Variants in VRK2 observed in about 807,000 individuals in gnomAD.
The protein encoded by VRK2 is VRK serine/threonine kinase 2, also known as serine/threonine-protein kinase VRK2.
In VRK2, 60 loss-of-function variants were observed where a neutral mutation model predicts 57.6. The observed-to-expected ratio is 1.04, with a 90% CI of 0.85 to 1.29. The LOEUF (loss-of-function observed/expected upper bound fraction) is 1.29, where lower values mean the gene tolerates loss of function less well. Among genes scored for constraint, VRK2 ranks in the 50% most tolerant of loss-of-function variants. VRK2 has a pLI of 0.00. For synonymous variants in VRK2, 231 were observed against 199.2 expected (o/e 1.16, Z -1.35); for missense variants, 705 against 588.1 (o/e 1.20, Z -2.06).
At chr2:57,942,586 G>A (rs971286683) in intron 1 of VRK2, among the ~76,000 whole-genome samples, 2 of 152,096 alleles carry the variant, frequency 1.3e-5, no homozygotes, top group Admixed American at 6.6e-5. Context: ...ATGTGGGCAC[G>A]TGTGTGCCTG....
Position 57,911,052 on chromosome 2 carries a change from T to A in VRK2, c.-439+3213T>A, listed in dbSNP as rs1180981528. On this transcript the variant is annotated intron_variant, in intron 1 of 15. Transcript: ENST00000417641. Reference sequence around the variant, plus strand: ...GTTTTTTGGGTCTTTTTTTTTTTTTTAAACATTTCTCAACGGAGCAATCAT... The same window carrying A: ...GTTTTTTGGGTCTTTTTTTTTTTTTAAAACATTTCTCAACGGAGCAATCAT... 6.3e-5 allele frequency among the ~76,000 whole-genome samples: 9 copies of A among 142,464 alleles called. No individual in the cohort carries two copies. The East Asian group carries it at 1.6e-3, about 25-fold the overall frequency. 93.5% of individuals were successfully genotyped at this position (142,464 alleles called of 152,430 possible).
chr2:57,939,296 G>T (rs983139808), intron 1 of VRK2, among the ~76,000 whole-genome samples: 11 of 152,122 alleles, frequency 7.2e-5, no homozygotes, highest in African/African-American at 2.7e-4. Context: ...CTTTTCCAAA[G>T]TTGGTGTAAT....
chr2:57,992,737 C>G (rs1482917662), intron 1 of VRK2, among the ~76,000 whole-genome samples: 1 of 152,064 alleles, frequency 6.6e-6, no homozygotes, highest in African/African-American at 2.4e-5. Flanking sequence ...GGGGTTTCAC[C>G]TTGTTAGCCA....
intron 1 of VRK2, among the ~76,000 whole-genome samples, chr2:57,978,957 C>G (rs1419094648): frequency 6.6e-6 from 1 of 150,744 alleles, no homozygotes; most frequent in East Asian, 1.9e-4. Context: ...CCAGTTTCAT[C>G]TATGTCCCTG....
At chr2:57,943,392 A>T (rs993962507) in intron 1 of VRK2, among the ~76,000 whole-genome samples, 1 of 152,198 alleles carries the variant, frequency 6.6e-6, no homozygotes, top group African/African-American at 2.4e-5. Context: ...GTCAGGAGTA[A>T]ATTTTAGATT....
rs140520250 is a variant in VRK2 at position 57,942,023 on chromosome 2, A to C, written c.-439+34184A>C. 2.9e-3 allele frequency among the ~76,000 whole-genome samples: 446 copies of C among 152,346 alleles called. 4 individuals are homozygous for C. Among genetic ancestry groups the C allele is most frequent in the African/African-American group, 0.01 (422 of 41,574 alleles). On this transcript the variant is annotated intron_variant, in intron 1 of 15. Coordinates refer to the VRK2 transcript ENST00000417641. ...TTGTTCCCAAGACAATGCATAATGC[A>C]CTGCTGTGATGGGCCTTCAGTTAAA...
chr2:58,144,212 G>C (rs1296728314), intron 11 of VRK2, among the ~76,000 whole-genome samples: 1 of 151,904 alleles, frequency 6.6e-6, no homozygotes, highest in African/African-American at 2.4e-5. Flanking sequence ...TATGAAAGCA[G>C]AGCATAGAAC....
intron 3 of VRK2, among the ~76,000 whole-genome samples, chr2:58,084,358 C>G (rs1005833422): frequency 6.6e-6 from 1 of 151,836 alleles, no homozygotes; most frequent in African/African-American, 2.4e-5. Context: ...TATTCTTTCT[C>G]TTTCCCTCCC....
chr2:57,996,143 G>A (rs1672915692), intron 1 of VRK2, among the ~76,000 whole-genome samples: 1 of 152,154 alleles, frequency 6.6e-6, no homozygotes. Flanking sequence ...TTATACAAGG[G>A]ACTTAAACAT....
chr2:57,974,613 A>C (rs61415878), intron 1 of VRK2, among the ~76,000 whole-genome samples: 3,985 of 151,982 alleles, frequency 0.026, 173 homozygotes, highest in African/African-American at 0.091. Flanking sequence ...TGAAAATTTG[A>C]ACATATAAAC....
chr2:58,053,095 A>G (rs1675999282), intron 2 of VRK2, among the ~76,000 whole-genome samples: 1 of 152,172 alleles, frequency 6.6e-6, no homozygotes, highest in African/African-American at 2.4e-5. Context: ...TACTTAACCC[A>G]CACAAGCTAG....
chr2:58,141,391 T>C (rs1296624354), intron 11 of VRK2, among the ~76,000 whole-genome samples: 1 of 152,004 alleles, frequency 6.6e-6, no homozygotes, highest in East Asian at 1.9e-4. Flanking sequence ...AGGGTGTTTG[T>C]TGTGAAACCA....
At chr2:58,004,274 G>A (rs1673178483) in intron 1 of VRK2, among the ~76,000 whole-genome samples, 1 of 152,054 alleles carries the variant, frequency 6.6e-6, no homozygotes, top group Non-Finnish European at 1.5e-5. Flanking sequence ...GGTAGTTCTT[G>A]AAGCCATAGA....
chr2:58,118,676 C>T (rs557008212), intron 7 of VRK2, among the ~76,000 whole-genome samples: 5 of 151,764 alleles, frequency 3.3e-5, no homozygotes, highest in African/African-American at 1.2e-4. Context: ...GGAGGTCCCC[C>T]GATCCGAGTC....
At chr2:58,028,309 G>A (rs1673996325) in intron 2 of VRK2, 1 of 152,126 alleles carries the variant, frequency 6.6e-6, no homozygotes, top group African/African-American at 2.4e-5. Flanking sequence ...TCTACATCAA[G>A]GGTCAGGAAT....
At chr2:58,081,092 T>G (rs573342028) in intron 2 of VRK2, among the ~76,000 whole-genome samples, 1 of 152,036 alleles carries the variant, frequency 6.6e-6, no homozygotes, top group African/African-American at 2.4e-5. Flanking sequence ...ATTTTTTTCA[T>G]TGATATCAAA....
chr2:58,157,880 C>T (rs889537355), intron 12 of VRK2, among the ~76,000 whole-genome samples: 1 of 152,178 alleles, frequency 6.6e-6, no homozygotes, highest in South Asian at 2.1e-4. Context: ...TGATGTGGCT[C>T]TGTTCCAATA....
At chr2:57,952,125 GAGAT>G (rs1296190454) in intron 1 of VRK2, among the ~76,000 whole-genome samples, 3 of 151,452 alleles carry the variant, frequency 2.0e-5, no homozygotes, top group Admixed American at 6.6e-5. Context: ...TAGAGAGAGA[GAGAT>G]AGAGATAGAG....
At chr2:58,104,156 C>T (rs1249631648) in intron 7 of VRK2, among the ~76,000 whole-genome samples, 1 of 151,878 alleles carries the variant, frequency 6.6e-6, no homozygotes, top group Admixed American at 6.6e-5. Context: ...TGGAATAAGA[C>T]AAGAATGCCC....
Sources: gnomAD v4.1 joint callset for allele counts (sites outside exome capture counted in the v4.1 genomes callset) on GRCh38, gnomAD v4.1.1 for gene constraint, MANE v1.5 for transcripts, NCBI Gene and HGNC (gene_info 2026-07-23, HGNC 2026-07-21) for gene names.